Variants in OLA1 observed in about 807,000 individuals in gnomAD.
OLA1 encodes Obg like ATPase 1.
A neutral mutation model predicts 48.4 loss-of-function variants in OLA1; 14 were observed. The observed-to-expected ratio is 0.29, with a 90% CI of 0.19 to 0.45. OLA1 has a LOEUF of 0.45. Among genes scored for constraint, OLA1 ranks in the 20% least tolerant of loss-of-function variants. The pLI is 1.00. For missense variants in OLA1, 325 were observed against 467.1 expected (o/e 0.70, Z 2.80); for synonymous variants, 127 against 150.4 (o/e 0.84, Z 1.14).
chr2:174,161,788 A>G (rs1687019976), intron 4 of OLA1, among the ~76,000 whole-genome samples: 1 of 152,156 alleles, frequency 6.6e-6, no homozygotes. Flanking sequence ...AAGTAGTCGA[A>G]AAAATGTACT....
At chr2:174,230,045 A>G (rs1000590625) in intron 2 of OLA1, among the ~76,000 whole-genome samples, 1 of 152,222 alleles carries the variant, frequency 6.6e-6, no homozygotes, top group African/African-American at 2.4e-5. Context: ...TCAAGAAAAT[A>G]TAATATCTAT....
chr2:174,194,147 G>A (rs994918257), intron 4 of OLA1, among the ~76,000 whole-genome samples: 1 of 152,142 alleles, frequency 6.6e-6, no homozygotes, highest in Non-Finnish European at 1.5e-5. Flanking sequence ...AAGAAGCCAC[G>A]TGTCACCGCT....
intron 2 of OLA1, among the ~76,000 whole-genome samples, chr2:174,242,447 G>C (rs1054812068): frequency 1.3e-5 from 2 of 152,170 alleles, no homozygotes; most frequent in Non-Finnish European, 2.9e-5. Flanking sequence ...ATGCAGCCTG[G>C]TTCTTCACAC....
intron 3 of OLA1, among the ~76,000 whole-genome samples, chr2:174,225,396 CA>C (rs1205729157): frequency 1.3e-5 from 2 of 152,116 alleles, no homozygotes; most frequent in Non-Finnish European, 2.9e-5. Context: ...ACTAAAAATA[CA>C]AAATTAGAAG....
intron 7 of OLA1, among the ~76,000 whole-genome samples, chr2:174,097,524 T>TG (rs1391172626): frequency 3.3e-5 from 5 of 152,036 alleles, no homozygotes; most frequent in African/African-American, 1.2e-4. Context: ...AACTCCTGGC[T>TG]GGGTGCAGTG....
At chr2:174,138,699 G>C (rs1162364979) in intron 5 of OLA1, among the ~76,000 whole-genome samples, 1 of 152,138 alleles carries the variant, frequency 6.6e-6, no homozygotes, top group Admixed American at 6.5e-5. Flanking sequence ...TCAATAAAAT[G>C]AAGTATGCCT....
chr2:174,127,803 A>C (rs1355703445), intron 5 of OLA1, among the ~76,000 whole-genome samples: 1 of 152,126 alleles, frequency 6.6e-6, no homozygotes, highest in East Asian at 1.9e-4. Flanking sequence ...GACCCAAAAC[A>C]TGCTTTAGCC....
intron 5 of OLA1, among the ~76,000 whole-genome samples, chr2:174,123,997 A>G (rs1364967508): frequency 6.6e-6 from 1 of 152,202 alleles, no homozygotes; most frequent in Non-Finnish European, 1.5e-5. Flanking sequence ...GCCATATAGA[A>G]GACAAACATG....
chr2:174,085,344 C>A (rs561762144), intron 7 of OLA1, among the ~76,000 whole-genome samples: 1 of 152,318 alleles, frequency 6.6e-6, no homozygotes, highest in South Asian at 2.1e-4. Flanking sequence ...TTGAGCCCTG[C>A]CTCGTGTCAG....
intron 4 of OLA1, among the ~76,000 whole-genome samples, chr2:174,189,346 G>C (rs1687726193): frequency 6.6e-6 from 1 of 151,960 alleles, no homozygotes; most frequent in Non-Finnish European, 1.5e-5. Flanking sequence ...ACATCACAAA[G>C]AAAGTTAAAG....
At chr2:174,094,024 A>G (rs911610081) in intron 7 of OLA1, among the ~76,000 whole-genome samples, 6 of 152,256 alleles carry the variant, frequency 3.9e-5, no homozygotes, top group Admixed American at 1.3e-4. Flanking sequence ...GAAAGTCAAA[A>G]GAATCCCTCT....
chr2:174,100,902 A>G (rs2105352484), intron 7 of OLA1, among the ~76,000 whole-genome samples: 1 of 152,252 alleles, frequency 6.6e-6, no homozygotes, highest in South Asian at 2.1e-4. Context: ...GCAAAAATAG[A>G]CCACAACTTA....
intron 4 of OLA1, among the ~76,000 whole-genome samples, chr2:174,155,202 T>C (rs532046759): frequency 6.6e-6 from 1 of 152,272 alleles, no homozygotes; most frequent in East Asian, 1.9e-4. Context: ...GTCTTTCTAG[T>C]TCCCACAAGG....
chr2:174,132,786 G>A (rs1686213865), intron 5 of OLA1, among the ~76,000 whole-genome samples: 1 of 151,984 alleles, frequency 6.6e-6, no homozygotes. Flanking sequence ...TGTTCCATTT[G>A]TACTTGAAAA....
At chr2:174,176,821 T>C (rs1687432087) in intron 4 of OLA1, among the ~76,000 whole-genome samples, 2 of 152,208 alleles carry the variant, frequency 1.3e-5, no homozygotes, top group Admixed American at 1.3e-4. Flanking sequence ...CATTTTATTT[T>C]AGATGCTAAA....
At chr2:174,247,582 C>T (rs1689154077) in intron 1 of OLA1, 1 of 1,530,050 alleles carries the variant, frequency 6.5e-7, no homozygotes, top group Non-Finnish European at 8.8e-7. Flanking sequence ...CCAAGTCACC[C>T]TTCACACCAA....
chr2:174,121,401 A>C (rs1291062122), intron 7 of OLA1, among the ~76,000 whole-genome samples: 1 of 152,134 alleles, frequency 6.6e-6, no homozygotes, highest in Non-Finnish European at 1.5e-5. Flanking sequence ...AGGCGGCAGA[A>C]ACTGTACAGA....
At chr2:174,212,860 T>C (rs1381542166) in intron 4 of OLA1, among the ~76,000 whole-genome samples, 6 of 152,224 alleles carry the variant, frequency 3.9e-5, no homozygotes, top group Non-Finnish European at 8.8e-5. Flanking sequence ...TCATCTCCTA[T>C]GATAACAATG....
intron 4 of OLA1, among the ~76,000 whole-genome samples, chr2:174,144,947 A>AT (rs1553483385): frequency 1.8e-3 from 116 of 64,718 alleles, no homozygotes; most frequent in Non-Finnish European, 2.3e-3. Context: ...AAAAAAAAAA[A>AT]AAAAATATAT....
Sources: allele counts gnomAD v4.1 joint callset (sites outside exome capture counted in the v4.1 genomes callset), GRCh38; gene constraint gnomAD v4.1.1; transcripts MANE v1.5; gene names NCBI Gene and HGNC (gene_info 2026-07-23, HGNC 2026-07-21).